The following CCDC6 variants were observed in gnomAD, a reference collection of about 807,000 sequenced individuals.
CCDC6 encodes coiled-coil domain containing 6.
In CCDC6, 20 loss-of-function variants were observed where a neutral mutation model predicts 56.6. The observed-to-expected ratio is 0.35, with a 90% CI of 0.25 to 0.51. The LOEUF (loss-of-function observed/expected upper bound fraction) is 0.51, where lower values mean the gene tolerates loss of function less well. CCDC6 is among the 20% of genes least tolerant of loss of function. The pLI, the probability that CCDC6 is intolerant of heterozygous loss-of-function variation, is 0.95. For missense variants in CCDC6, 367 were observed against 601.1 expected, an observed-to-expected ratio of 0.61 and a Z score of 4.07; for synonymous variants, 241 against 234.4, an observed-to-expected ratio of 1.03 and a Z score of -0.26.
intron 1 of CCDC6, among the ~76,000 whole-genome samples, chr10:59,874,208 A>G (rs2132670660): frequency 6.6e-6 from 1 of 152,212 alleles, no homozygotes; most frequent in South Asian, 2.1e-4. Flanking sequence ...AACTATAATG[A>G]GACAGGACCT....
At chr10:59,871,472 A>C (rs1326607208) in intron 1 of CCDC6, among the ~76,000 whole-genome samples, 1 of 9,764 alleles carries the variant, frequency 1.0e-4, no homozygotes, top group Non-Finnish European at 1.8e-4. Flanking sequence ...ACTCATTAAA[A>C]AAAAAAAAAA....
At chr10:59,861,061 T>G (rs538939607) in intron 1 of CCDC6, among the ~76,000 whole-genome samples, 1 of 152,066 alleles carries the variant, frequency 6.6e-6, no homozygotes, top group Non-Finnish European at 1.5e-5. Flanking sequence ...CTGGCCGTGG[T>G]AGCGAGCACC....
intron 3 of CCDC6, among the ~76,000 whole-genome samples, chr10:59,818,451 C>G (rs2070724608): frequency 7.2e-6 from 1 of 139,112 alleles, no homozygotes; most frequent in Non-Finnish European, 1.5e-5. Flanking sequence ...TTCTCAAGTA[C>G]AGTAGGTCCT....
chr10:59,889,268 G>A (rs971977937), intron 1 of CCDC6, among the ~76,000 whole-genome samples: 1 of 152,166 alleles, frequency 6.6e-6, no homozygotes, highest in African/African-American at 2.4e-5. Context: ...ACAGGGACAC[G>A]TGAGAAAGCA....
intron 1 of CCDC6, among the ~76,000 whole-genome samples, chr10:59,886,257 G>C (rs915536182): frequency 2.0e-5 from 3 of 152,158 alleles, no homozygotes; most frequent in African/African-American, 7.2e-5. Context: ...ATCCATTTAA[G>C]CAGCAGCTTC....
chr10:59,825,047 G>C (rs567782390), intron 3 of CCDC6, among the ~76,000 whole-genome samples: 40 of 152,306 alleles, frequency 2.6e-4, no homozygotes, highest in African/African-American at 9.4e-4. Context: ...CTAGCTGTCA[G>C]AATCTGCAAG....
chr10:59,891,993 C>T (rs933348948), intron 1 of CCDC6, among the ~76,000 whole-genome samples: 1 of 152,208 alleles, frequency 6.6e-6, no homozygotes, highest in African/African-American at 2.4e-5. Context: ...CTGCCTCCCA[C>T]AGACCACCCT....
At chr10:59,905,635 A>T (rs1329551012) in intron 1 of CCDC6, among the ~76,000 whole-genome samples, 5 of 152,198 alleles carry the variant, frequency 3.3e-5, no homozygotes, top group African/African-American at 1.2e-4. Flanking sequence ...CGATCCAGCT[A>T]GCGCAGTCCA....
intron 1 of CCDC6, among the ~76,000 whole-genome samples, chr10:59,870,748 C>A (rs948364348): frequency 6.6e-6 from 1 of 152,200 alleles, no homozygotes; most frequent in Admixed American, 6.5e-5. Flanking sequence ...CCACTTTTCA[C>A]AGGCTGGAAT....
intron 7 of CCDC6, among the ~76,000 whole-genome samples, chr10:59,803,861 C>G (rs1340579209): frequency 6.6e-6 from 1 of 152,230 alleles, no homozygotes; most frequent in East Asian, 1.9e-4. Context: ...CTGGAAATAT[C>G]AGGAGGCAGC....
chr10:59,844,589 A>T (rs1013605261), intron 2 of CCDC6, among the ~76,000 whole-genome samples: 7 of 108,548 alleles, frequency 6.4e-5, no homozygotes, highest in Non-Finnish European at 9.1e-5. Flanking sequence ...GTCTCTACTT[A>T]AAAAAAAAAA....
At chr10:59,840,009 A>G (rs886094157) in intron 2 of CCDC6, among the ~76,000 whole-genome samples, 1 of 152,152 alleles carries the variant, frequency 6.6e-6, no homozygotes, top group African/African-American at 2.4e-5. Flanking sequence ...TATTTTTAGT[A>G]GACACGGGGT....
At chr10:59,830,844 C>T (rs1170190094) in intron 3 of CCDC6, among the ~76,000 whole-genome samples, 2 of 152,188 alleles carry the variant, frequency 1.3e-5, no homozygotes, top group African/African-American at 4.8e-5. Context: ...CTCTGGGTCA[C>T]GGTCCTAGTT....
chr10:59,828,517 T>A (rs1218475767), intron 3 of CCDC6, among the ~76,000 whole-genome samples: 1 of 152,202 alleles, frequency 6.6e-6, no homozygotes, highest in Non-Finnish European at 1.5e-5. Context: ...CTTTGAAGTA[T>A]AAAAGAAAGA....
chr10:59,881,373 AAG>A (rs1432306088), intron 1 of CCDC6, among the ~76,000 whole-genome samples: 9 of 152,198 alleles, frequency 5.9e-5, no homozygotes, highest in African/African-American at 2.2e-4. Context: ...ATAAGAAAAA[AAG>A]AAACTGTTGG....
chr10:59,814,881 C>A, intron 3 of CCDC6, 126 bp from the exon 4 acceptor site: 2 of 635,926 alleles, frequency 3.1e-6, no homozygotes, highest in South Asian at 3.8e-5. Context: ...AATTTTCTGG[C>A]ACAAACATAT....
chr10:59,873,586 T>C (rs2071251069), intron 1 of CCDC6, among the ~76,000 whole-genome samples: 1 of 152,130 alleles, frequency 6.6e-6, no homozygotes, highest in South Asian at 2.1e-4. Context: ...TGAAACATTG[T>C]TACAACAGCC....
At chr10:59,815,336 G>A (rs184208394) in intron 3 of CCDC6, among the ~76,000 whole-genome samples, 184 of 152,320 alleles carry the variant, frequency 1.2e-3, no homozygotes, top group African/African-American at 4.3e-3. Flanking sequence ...TGATTTGGGG[G>A]AGGCTTTGCA....
chr10:59,859,831 G>A (rs1429849116), intron 1 of CCDC6, among the ~76,000 whole-genome samples: 12 of 151,886 alleles, frequency 7.9e-5, no homozygotes, highest in Admixed American at 7.9e-4. Context: ...TTGGGAGGCT[G>A]AGGCGGGCAT....
Sources: gnomAD v4.1 joint callset for allele counts (sites outside exome capture counted in the v4.1 genomes callset) on GRCh38, gnomAD v4.1.1 for gene constraint, MANE v1.5 for transcripts, NCBI Gene and HGNC (gene_info 2026-07-23, HGNC 2026-07-21) for gene names.